Variants in DPH1 observed in about 807,000 individuals in gnomAD.
The protein encoded by DPH1 is diphthamide biosynthesis 1.
A neutral mutation model predicts 55.3 loss-of-function variants in DPH1; 59 were observed. The ratio of observed to expected loss-of-function variants is 1.07; its 90% CI spans 0.87 to 1.33. The LOEUF is 1.33. Ranked by LOEUF, DPH1 falls within the 40% of genes most tolerant of loss-of-function variation. The pLI is 0.00. For missense variants in DPH1, 628 were observed against 584.8 expected (o/e 1.07, Z -0.76); for synonymous variants, 238 against 235.5 (o/e 1.01, Z -0.10).
intron 6 of DPH1, 126 bp from the exon 7 acceptor site, chr17:2,039,629 G>A (rs1293338095): frequency 8.3e-6 from 9 of 1,078,226 alleles, no homozygotes; most frequent in East Asian, 4.9e-5. Flanking sequence ...CGCCCGCCTC[G>A]GTCTCCCAAA....
At chr17:2,042,494 T>G in intron 12 of DPH1, 111 bp from the exon 13 acceptor site, 1 of 1,427,700 alleles carries the variant, frequency 7.0e-7, no homozygotes, top group Non-Finnish European at 9.2e-7. Context: ...GACTTTTGCC[T>G]CGATTCCCTT....
chr17:2,041,184 A>T lies in DPH1; in HGVS notation c.1086+3A>T. ...AGCCGCTGCTGACACCCTATGAGGT[A>T]ACACCAAGCTCTGGGAGAGAGTGGG... On this transcript the variant is annotated splice_donor_region_variant and intron_variant, in intron 10 of 12. Transcript: ENST00000263083. The T allele has an allele frequency of 6.2e-7, 1 of 1,602,564 alleles. No individual in the cohort carries two copies. Among genetic ancestry groups the T allele is most frequent in the Non-Finnish European group, 8.5e-7 (1 of 1,174,188 alleles).
intron 12 of DPH1, 136 bp downstream of exon 12, chr17:2,042,011 C>T (rs2067539577): frequency 6.7e-7 from 1 of 1,493,592 alleles, no homozygotes. Flanking sequence ...CGGGGAAAGA[C>T]CGCTTCCGGT....
At chr17:2,032,261 T>C (rs1370190610) in intron 1 of DPH1, among the ~76,000 whole-genome samples, 1 of 152,106 alleles carries the variant, frequency 6.6e-6, no homozygotes, top group African/African-American at 2.4e-5. Flanking sequence ...CTAGACTGAC[T>C]CTTAGGTTTT....
chr17:2,040,277 C>T lies in DPH1; in HGVS notation c.809C>T (p.Ala270Val). Residue 270 changes from alanine (A) to valine (V), a missense_variant, in exon 8 of 13, where the codon GCT becomes GTT. Transcript: ENST00000263083. The part of the protein sequence containing the change: ...REHYDHQRMQ[A>V]ARQEAIATAR... ...CACTATGACCACCAGCGCATGCAGG[C>T]TGCTCGCCAAGAAGCCATAGCCACT... is the stretch of plus-strand genomic sequence containing the variant. 1 of 1,614,082 alleles carries T rather than the reference C, an allele frequency of 6.2e-7. No individual in the cohort carries two copies. The highest frequency in any genetic ancestry group is 8.5e-7 in the Non-Finnish European group (1 of 1,180,034).
chr17:2,034,439 C>T (rs966692274), intron 3 of DPH1, among the ~76,000 whole-genome samples: 13 of 151,144 alleles, frequency 8.6e-5, no homozygotes, highest in Admixed American at 5.9e-4. Context: ...TCATCTCATG[C>T]TGGGAACCTC....
Position 2,036,295 on chromosome 17 carries a change from A to G in DPH1, c.400+204A>G, listed in dbSNP as rs1373299932. On this transcript the variant is annotated intron_variant, in intron 4 of 12. Transcript: ENST00000263083. This position sits in a 1 kb window ranked among gnomAD's most constrained non-coding sequence, Gnocchi z 4.8. Reference sequence around the variant, plus strand: ...CCTTGGCAACGGTGCTCTGTCCCAGATGCAGGTGTTTGAAAGGCTGTTGGT... The same window carrying G: ...CCTTGGCAACGGTGCTCTGTCCCAGGTGCAGGTGTTTGAAAGGCTGTTGGT... The G allele has an allele frequency of 1.8e-6, 2 of 1,120,220 alleles. No homozygotes were observed. 69.4% of individuals were successfully genotyped at this position (1,120,220 alleles called of 1,614,324 possible). A position where few individuals can be genotyped will look rare whatever the true frequency, so the allele number is the denominator to read the frequency against.
At chr17:2,035,521 G>T (rs2067408407) in intron 3 of DPH1, among the ~76,000 whole-genome samples, 1 of 148,216 alleles carries the variant, frequency 6.7e-6, no homozygotes, top group Non-Finnish European at 1.5e-5. Flanking sequence ...TGCCTGTGGT[G>T]GGGAGGGAGT....
Position 2,036,822 on chromosome 17 carries a change from G to A in DPH1, c.559-13G>A, listed in dbSNP as rs376186877. ...CCCAGCCGCTGGCTTCACTTCCCTC[G>A]TCATTCCTACAGGCAGCCGCCCAGG... On this transcript the variant is annotated splice_polypyrimidine_tract_variant and intron_variant, in intron 5 of 12. Transcript: ENST00000263083. This position sits in a 1 kb window ranked among gnomAD's most constrained non-coding sequence, Gnocchi z 4.8. 9.1e-5 allele frequency: 147 copies of A among 1,612,752 alleles called. No homozygotes were observed. The highest frequency in any genetic ancestry group is 1.3e-4 in the East Asian group (6 of 44,874).
At chr17:2,042,442 G>A (rs2067556891) in intron 12 of DPH1, 163 bp from the exon 13 acceptor site, 2 of 1,285,924 alleles carry the variant, frequency 1.6e-6, no homozygotes, top group Non-Finnish European at 2.0e-6. Flanking sequence ...GCTGTCTCCT[G>A]TTCAGGCCAA....
intron 6 of DPH1, chr17:2,039,468 C>T (rs2067478443): frequency 5.7e-6 from 2 of 348,334 alleles, no homozygotes; most frequent in Admixed American, 3.8e-5. Flanking sequence ...AGCTACGCCT[C>T]CCGGGTTCAC....
At chr17:2,032,439 G>A (rs576763991) in intron 1 of DPH1, among the ~76,000 whole-genome samples, 1 of 152,284 alleles carries the variant, frequency 6.6e-6, no homozygotes, top group South Asian at 2.1e-4. Flanking sequence ...AATTATACCG[G>A]TTACCTTCTG....
intron 3 of DPH1, chr17:2,034,974 A>G (rs2067391005): frequency 6.7e-6 from 1 of 150,304 alleles, no homozygotes; most frequent in Admixed American, 6.6e-5. Context: ...TCTATAAAAA[A>G]TTAAGTGCTG....
chr17:2,038,953 C>A (rs1217867881), intron 6 of DPH1: 1 of 152,164 alleles, frequency 6.6e-6, no homozygotes, highest in African/African-American at 2.4e-5. Context: ...TCATCCAATT[C>A]AAACTCCTTA....
intron 1 of DPH1, 85 bp downstream of exon 1, chr17:2,030,315 G>A: frequency 7.1e-7 from 1 of 1,417,698 alleles, no homozygotes; most frequent in South Asian, 1.4e-5. Flanking sequence ...CCCCTTTAAC[G>A]GCGGCGGCGC....
chr17:2,041,999 C>A, intron 12 of DPH1, 124 bp downstream of exon 12: 1 of 1,489,908 alleles, frequency 6.7e-7, no homozygotes, highest in Non-Finnish European at 8.9e-7. Flanking sequence ...TGTGCTTCCG[C>A]TCGGGGAAAG....
intron 10 of DPH1, 99 bp downstream of exon 10, chr17:2,041,280 G>T (rs563275322): frequency 2.7e-6 from 4 of 1,489,714 alleles, no homozygotes; most frequent in Non-Finnish European, 2.7e-6. Flanking sequence ...CGTTATGTTC[G>T]TAGATTCCGG....
At chr17:2,038,860 C>T (rs1020504693) in intron 6 of DPH1, 2 of 152,222 alleles carry the variant, frequency 1.3e-5, no homozygotes, top group African/African-American at 2.4e-5. Flanking sequence ...TCACCACGGC[C>T]GGCTGCTCCT....
At chr17:2,039,957 C>T in intron 7 of DPH1, 134 bp downstream of exon 7, 1 of 1,373,884 alleles carries the variant, frequency 7.3e-7, no homozygotes, top group South Asian at 1.2e-5. Flanking sequence ...CACTTGGGCC[C>T]TGGATCTGGG....
Sources: allele counts gnomAD v4.1 joint callset (sites outside exome capture counted in the v4.1 genomes callset), GRCh38; gene constraint gnomAD v4.1.1; non-coding constraint Gnocchi (gnomAD v3.1); transcripts MANE v1.5; gene names NCBI Gene and HGNC (gene_info 2026-07-23, HGNC 2026-07-21).